EPB41L1: variants seen among roughly 807,000 people sequenced by gnomAD.
The protein encoded by EPB41L1 is erythrocyte membrane protein band 4.1 like 1.
In EPB41L1, 29 loss-of-function variants were observed where a neutral mutation model predicts 97.8. The ratio of observed to expected loss-of-function variants is 0.30; its 90% CI spans 0.22 to 0.40. The LOEUF (loss-of-function observed/expected upper bound fraction) is 0.40. Ranked by LOEUF, EPB41L1 falls within the 10% of genes least tolerant of loss-of-function variation. The probability of loss-of-function intolerance (pLI) is 1.00; values close to 1 mark genes in which losing one functional copy is unlikely to be tolerated. For missense variants in EPB41L1, 812 were observed against 1,162.3 expected (o/e 0.70, Z 4.38); for synonymous variants, 383 against 459.2 (o/e 0.83, Z 2.12).
At position 36,177,904 on chromosome 20, in the gene EPB41L1, G is replaced by C. The variant is rs372670650; in HGVS notation, c.343-48G>C. 2.7e-6 allele frequency: 4 copies of C among 1,481,266 alleles called. No homozygotes were observed. In the East Asian group the frequency reaches 9.1e-5, roughly 34 times the overall value. 91.8% of individuals were successfully genotyped at this position (1,481,266 alleles called of 1,614,324 possible). On this transcript the variant is annotated intron_variant, in intron 3 of 21. Coordinates refer to ENST00000338074, the MANE Select transcript of EPB41L1 (RefSeq NM_012156.2). ...GGAGCCCAGGGTATCTCCCAGCCTC[G>C]CCCCGGGGTGTGCTTCAGCCTCATA...
chr20:36,125,436 C>G, intron 2 of EPB41L1: 1 of 822,448 alleles, frequency 1.2e-6, no homozygotes, highest in Non-Finnish European at 2.0e-6. Flanking sequence ...GCTGTTCGTA[C>G]CTGCCTCATG....
chr20:36,154,148 G>A (rs2060169565), upstream of EPB41L1, among the ~76,000 whole-genome samples: 4 of 151,632 alleles, frequency 2.6e-5, no homozygotes, highest in Admixed American at 1.3e-4. The surrounding 1 kb of genome is among the most constrained non-coding windows in gnomAD (Gnocchi z 5.5). Flanking sequence ...CCAGGAGACA[G>A]TTGTAATACC....
At chr20:36,091,776 G>A (rs2057672189) in intron 1 of EPB41L1, 1 of 152,180 alleles carries the variant, frequency 6.6e-6, no homozygotes, top group Non-Finnish European at 1.5e-5. Flanking sequence ...CCTGCCCCAG[G>A]AGCCCTAGGG....
chr20:36,177,371 A>G (rs1047323153), intron 3 of EPB41L1, among the ~76,000 whole-genome samples: 3 of 152,094 alleles, frequency 2.0e-5, no homozygotes, highest in African/African-American at 7.2e-5. Flanking sequence ...TGGCCCTAAC[A>G]ATGGTACTTC....
chr20:36,221,845 C>T lies in EPB41L1; in HGVS notation c.2440-19C>T. ...CCAACAGGACCCAAGAGTGACCTCACCTCCCTCTCCCTCTGCAGACTGTGA... is the reference window on the plus strand; with the variant it reads ...CCAACAGGACCCAAGAGTGACCTCATCTCCCTCTCCCTCTGCAGACTGTGA... On this transcript the variant is annotated intron_variant, in intron 19 of 21. Transcript: ENST00000338074. 1 of 1,611,668 alleles carries T rather than the reference C, an allele frequency of 6.2e-7. No homozygotes were observed. The highest frequency in any genetic ancestry group is 8.5e-7 in the Non-Finnish European group (1 of 1,177,768).
chr20:36,153,133 A>G (rs774403405), upstream of EPB41L1: 2 of 456,598 alleles, frequency 4.4e-6, no homozygotes, highest in East Asian at 1.4e-4. Flanking sequence ...TGCTTTGGGC[A>G]TGGTACAAAG....
chr20:36,198,201 G>T (rs56685718), intron 14 of EPB41L1, among the ~76,000 whole-genome samples, 160 bp downstream of exon 14: 3,370 of 152,250 alleles, frequency 0.022, 141 homozygotes, highest in East Asian at 0.18. Flanking sequence ...TGAGGGAGAT[G>T]AATTCACTAA....
chr20:36,167,872 T>C (rs2060806243), intron 1 of EPB41L1, among the ~76,000 whole-genome samples: 1 of 151,910 alleles, frequency 6.6e-6, no homozygotes, highest in Non-Finnish European at 1.5e-5. Flanking sequence ...GGGCAGCCCC[T>C]GGAACAAGCT....
chr20:36,122,374 G>A (rs2058780818), intron 2 of EPB41L1, among the ~76,000 whole-genome samples: 1 of 152,214 alleles, frequency 6.6e-6, no homozygotes, highest in South Asian at 2.1e-4. Context: ...GAGCCGCTCA[G>A]CTGTGAGCGC....
intron 2 of EPB41L1, among the ~76,000 whole-genome samples, chr20:36,115,816 C>T (rs760654360): frequency 2.0e-5 from 3 of 152,138 alleles, no homozygotes; most frequent in African/African-American, 4.8e-5. Context: ...TGCTTGAACT[C>T]GGGAGGTGGA....
intron 13 of EPB41L1, chr20:36,197,565 A>C: frequency 5.5e-6 from 5 of 902,928 alleles, no homozygotes; most frequent in Non-Finnish European, 6.6e-6. Context: ...GGCTTTGGGT[A>C]GAGGTTGGCT....
intron 1 of EPB41L1, among the ~76,000 whole-genome samples, chr20:36,163,545 C>T (rs1323478895): frequency 1.3e-5 from 2 of 152,182 alleles, no homozygotes; most frequent in Non-Finnish European, 2.9e-5. Flanking sequence ...GTGGATCAGT[C>T]AGATTCTGAC....
At chr20:36,173,162 T>C (rs2061069812) in intron 1 of EPB41L1, among the ~76,000 whole-genome samples, 3 of 152,252 alleles carry the variant, frequency 2.0e-5, no homozygotes, top group Admixed American at 1.3e-4. Context: ...AGCCTGTTCT[T>C]TTGACTTTTA....
intron 15 of EPB41L1, among the ~76,000 whole-genome samples, chr20:36,210,784 G>C (rs896138887): frequency 6.6e-6 from 1 of 152,178 alleles, no homozygotes; most frequent in Non-Finnish European, 1.5e-5. Flanking sequence ...AAAGCGGTCA[G>C]GTCAGTGGCT....
At chr20:36,148,010 T>C (rs2059905837) in intron 2 of EPB41L1, among the ~76,000 whole-genome samples, 1 of 152,034 alleles carries the variant, frequency 6.6e-6, no homozygotes. Context: ...TTAAGAAACA[T>C]AGCCGAGGTG....
Position 36,206,419 on chromosome 20 carries a change from G to A in EPB41L1, c.1669-3069G>A, listed in dbSNP as rs943369133. 5 of 1,289,908 alleles carry A rather than the reference G, an allele frequency of 3.9e-6. No individual in the cohort carries two copies. The highest frequency in any genetic ancestry group is 5.5e-5 in the East Asian group (1 of 18,038). The allele number at this position is 1,289,908 out of a possible 1,614,324, so 79.9% of individuals were successfully genotyped here. A position where few individuals can be genotyped will look rare whatever the true frequency, so the allele number is the denominator to read the frequency against. On this transcript the variant is annotated intron_variant, in intron 14 of 21. Transcript: ENST00000338074. The surrounding 1 kb of genome is among the most constrained non-coding windows in gnomAD (Gnocchi z 5.5). The stretch of plus-strand genomic sequence containing the variant: ...TCTATTGGATCCAGCCCACGCAGAA[G>A]CCAGAGCTGAGTTGAGCAATGAAAC...
At chr20:36,225,709 C>T (rs551528390) in intron 21 of EPB41L1, among the ~76,000 whole-genome samples, 2 of 152,168 alleles carry the variant, frequency 1.3e-5, no homozygotes, top group African/African-American at 4.8e-5. Flanking sequence ...GTGCTTTTCT[C>T]ATCTCTTCTC....
intron 4 of EPB41L1, 37 bp downstream of exon 4, chr20:36,178,093 C>T: frequency 6.8e-7 from 1 of 1,474,248 alleles, no homozygotes; most frequent in Non-Finnish European, 9.5e-7. Context: ...ACCTGCTCTT[C>T]CGTTAGGCTC....
chr20:36,133,112 C>T (rs1392825334), intron 2 of EPB41L1, among the ~76,000 whole-genome samples: 1 of 152,288 alleles, frequency 6.6e-6, no homozygotes, highest in Non-Finnish European at 1.5e-5. Context: ...GTGAGAGGGC[C>T]CGAGCTGTGC....
Sources: gnomAD v4.1 joint callset for allele counts (sites outside exome capture counted in the v4.1 genomes callset) on GRCh38, gnomAD v4.1.1 for gene constraint, Gnocchi (gnomAD v3.1) non-coding constraint, MANE v1.5 for transcripts, NCBI Gene and HGNC (gene_info 2026-07-23, HGNC 2026-07-21) for gene names.